ADGRL3: variants seen among roughly 807,000 people sequenced by gnomAD.
The protein encoded by ADGRL3 is calcium-independent alpha-latrotoxin receptor 3.
ADGRL3 carries 62 observed loss-of-function variants against 153.5 expected under a neutral mutation model. That is an observed-to-expected ratio of 0.40 (90% confidence interval 0.33 to 0.50). ADGRL3 has a LOEUF of 0.50. ADGRL3 is among the 20% of genes least tolerant of loss of function. ADGRL3 has a pLI of 0.47. For missense variants in ADGRL3, 1,641 were observed against 1,859.4 expected (o/e 0.88, Z 2.16); for synonymous variants, 710 against 672.5 (o/e 1.06, Z -0.86).
intron 2 of ADGRL3, among the ~76,000 whole-genome samples, chr4:61,435,677 T>C (rs997689322): frequency 9.3e-5 from 14 of 150,562 alleles, no homozygotes; most frequent in African/African-American, 3.4e-4. Context: ...ACGGGGACAA[T>C]TGCATTCTCC....
intron 8 of ADGRL3, among the ~76,000 whole-genome samples, chr4:61,795,013 G>C (rs1901223): frequency 2.0e-5 from 3 of 152,012 alleles, no homozygotes; most frequent in African/African-American, 7.2e-5. Flanking sequence ...CACTTTACAT[G>C]AATAATTTTA....
At chr4:62,027,069 A>G (rs190170279) in intron 21 of ADGRL3, among the ~76,000 whole-genome samples, 1 of 152,196 alleles carries the variant, frequency 6.6e-6, no homozygotes, top group Admixed American at 6.6e-5. Flanking sequence ...GAATTATTCG[A>G]ATCGTGAACA....
At chr4:61,611,607 T>C (rs780806303) in intron 5 of ADGRL3, among the ~76,000 whole-genome samples, 3 of 152,110 alleles carry the variant, frequency 2.0e-5, no homozygotes, top group Non-Finnish European at 2.9e-5. Context: ...TTTGAAATAA[T>C]ACTATGTGCA....
In ADGRL3 at chr4:62,028,985, G is replaced by A. The variant is rs140589805; in HGVS notation, c.3422+104G>A. 266 of 992,156 alleles carry A rather than the reference G, an allele frequency of 2.7e-4. No homozygotes were observed. The East Asian group carries it at 5.0e-3, about 19-fold the overall frequency. The allele number at this position is 992,156 out of a possible 1,614,324, so 61.5% of individuals were successfully genotyped here. On this transcript the variant is annotated intron_variant, in intron 22 of 26. Transcript: ENST00000683033. ...AATCATTAGAGCTTCTGTCATTCAC[G>A]TAGAGGCAGAAGAGCAAACTGTGCA...
At chr4:61,392,150 T>C (rs1056557318) in intron 2 of ADGRL3, among the ~76,000 whole-genome samples, 6 of 150,980 alleles carry the variant, frequency 4.0e-5, no homozygotes, top group Non-Finnish European at 8.8e-5. Context: ...ATTACAGGCG[T>C]GAGCCCCCCT....
intron 6 of ADGRL3, among the ~76,000 whole-genome samples, chr4:61,681,775 A>G (rs759767020): frequency 6.6e-6 from 1 of 152,134 alleles, no homozygotes; most frequent in Non-Finnish European, 1.5e-5. Context: ...ATGAGTGCAT[A>G]TTTAAATGTG....
At chr4:61,843,502 A>G (rs1356703280) in intron 9 of ADGRL3, among the ~76,000 whole-genome samples, 5 of 152,170 alleles carry the variant, frequency 3.3e-5, no homozygotes, top group African/African-American at 1.2e-4. Flanking sequence ...TGGCTGATAC[A>G]ATATGCAAGA....
At chr4:61,620,890 C>T (rs2092459989) in intron 5 of ADGRL3, among the ~76,000 whole-genome samples, 2 of 152,046 alleles carry the variant, frequency 1.3e-5, no homozygotes, top group African/African-American at 4.8e-5. Flanking sequence ...CCACCCGCCT[C>T]TGCCTCCCAA....
chr4:61,575,012 A>C (rs1419993632), intron 4 of ADGRL3, among the ~76,000 whole-genome samples: 1 of 151,814 alleles, frequency 6.6e-6, no homozygotes, highest in Non-Finnish European at 1.5e-5. Flanking sequence ...AGAACTAAAA[A>C]TCTCTTTAAA....
At chr4:61,456,389 AGATATATC>A (rs2097742736) in intron 2 of ADGRL3, among the ~76,000 whole-genome samples, 1 of 118,252 alleles carries the variant, frequency 8.5e-6, no homozygotes, top group African/African-American at 3.3e-5. Flanking sequence ...ATATATATAT[AGATATATC>A]TATATCTATA....
intron 3 of ADGRL3, among the ~76,000 whole-genome samples, chr4:61,499,430 T>C (rs572911388): frequency 8.8e-4 from 134 of 152,296 alleles, no homozygotes; most frequent in Non-Finnish European, 1.6e-3. Context: ...AAAATAAAAA[T>C]AATTATGTTA....
intron 5 of ADGRL3, among the ~76,000 whole-genome samples, chr4:61,642,603 T>G (rs946728737): frequency 2.0e-5 from 3 of 152,184 alleles, no homozygotes; most frequent in Non-Finnish European, 4.4e-5. Flanking sequence ...GTTGTAGATA[T>G]GCGGCGTTAT....
At chr4:61,854,983 A>G (rs2098246420) in intron 9 of ADGRL3, among the ~76,000 whole-genome samples, 1 of 152,188 alleles carries the variant, frequency 6.6e-6, no homozygotes, top group Non-Finnish European at 1.5e-5. Flanking sequence ...ATGTCTTTAA[A>G]CACACCCTAA....
intron 15 of ADGRL3, among the ~76,000 whole-genome samples, chr4:61,937,812 C>T (rs368608236): frequency 6.6e-6 from 1 of 152,086 alleles, no homozygotes; most frequent in Non-Finnish European, 1.5e-5. Flanking sequence ...AATGTGTGAA[C>T]CTTCAGACGA....
chr4:61,730,363 T>G (rs1467204663), intron 6 of ADGRL3, among the ~76,000 whole-genome samples: 1 of 151,960 alleles, frequency 6.6e-6, no homozygotes, highest in Non-Finnish European at 1.5e-5. Context: ...AATGGTGTGT[T>G]TATTTAATCA....
chr4:61,553,383 A>G (rs1320066016), intron 4 of ADGRL3, among the ~76,000 whole-genome samples: 3 of 152,326 alleles, frequency 2.0e-5, no homozygotes, highest in Admixed American at 6.5e-5. Flanking sequence ...CAAAATGGAA[A>G]AATAGATTTT....
At chr4:61,243,470 A>T (rs1489156318) in intron 1 of ADGRL3, among the ~76,000 whole-genome samples, 2 of 152,018 alleles carry the variant, frequency 1.3e-5, no homozygotes, top group Non-Finnish European at 2.9e-5. Flanking sequence ...GGCAGCAGCA[A>T]CTGAGCAATG....
intron 2 of ADGRL3, among the ~76,000 whole-genome samples, chr4:61,420,035 C>T (rs539029989): frequency 6.6e-6 from 1 of 152,054 alleles, no homozygotes; most frequent in African/African-American, 2.4e-5. Flanking sequence ...CTCCTGACCT[C>T]AGGTGATCCA....
intron 9 of ADGRL3, among the ~76,000 whole-genome samples, chr4:61,826,592 G>C (rs184442158): frequency 9.8e-5 from 15 of 152,308 alleles, no homozygotes; most frequent in African/African-American, 3.6e-4. Context: ...TGTAAGACGT[G>C]AAGGAAGTTA....
Sources: allele counts gnomAD v4.1 joint callset (sites outside exome capture counted in the v4.1 genomes callset), GRCh38; gene constraint gnomAD v4.1.1; transcripts MANE v1.5; gene names NCBI Gene and HGNC (gene_info 2026-07-23, HGNC 2026-07-21).